Variants in RBFOX3 observed in about 807,000 individuals in gnomAD.
The protein encoded by RBFOX3 is RNA binding fox-1 homolog 3, also known as RNA binding protein fox-1 homolog 3.
Under a neutral mutation model 48.7 loss-of-function variants are expected in RBFOX3, and 17 were observed. The ratio of observed to expected loss-of-function variants is 0.35; its 90% CI spans 0.24 to 0.52. The LOEUF is 0.52. Ranked by LOEUF, RBFOX3 falls within the 20% of genes least tolerant of loss-of-function variation. The pLI is 0.94. For missense variants in RBFOX3, 382 were observed against 497.5 expected, an observed-to-expected ratio of 0.77 and a Z score of 2.21; for synonymous variants, 212 against 209.5, an observed-to-expected ratio of 1.01 and a Z score of -0.10.
the RBFOX3 span, among the ~76,000 whole-genome samples, chr17:79,654,937 G>T: frequency 1.6e-4 from 24 of 152,292 alleles, no homozygotes; most frequent in East Asian, 4.6e-3. Context: ...CTGACTCCGC[G>T]GAAGGACAGG....
intron 4 of RBFOX3, among the ~76,000 whole-genome samples, chr17:79,150,065 G>GGTGGGGGGTGGGA (rs1277563001): frequency 7.6e-6 from 1 of 131,152 alleles, no homozygotes; most frequent in Non-Finnish European, 1.6e-5. Flanking sequence ...GGGGGTTGAG[G>GGTGGGGGGTGGGA]GTGGGGGTTT....
At chr17:79,651,462 G>A in the RBFOX3 span, among the ~76,000 whole-genome samples, 5 of 151,982 alleles carry the variant, frequency 3.3e-5, no homozygotes, top group East Asian at 1.9e-4. Flanking sequence ...TGACACCCCC[G>A]GGCCGTCCCC....
chr17:79,616,187 G>A, the RBFOX3 span, among the ~76,000 whole-genome samples: 1 of 152,134 alleles, frequency 6.6e-6, no homozygotes, highest in East Asian at 1.9e-4. Flanking sequence ...TGCTTTCTCA[G>A]TCCAACAGAG....
At chr17:79,112,473 C>A (rs766153362) in intron 5 of RBFOX3, among the ~76,000 whole-genome samples, 1 of 152,144 alleles carries the variant, frequency 6.6e-6, no homozygotes, top group South Asian at 2.1e-4. Flanking sequence ...TCCAGGAAGG[C>A]CTTTCCGGAG....
chr17:79,239,431 A>G (rs910146298), intron 3 of RBFOX3, among the ~76,000 whole-genome samples: 2 of 152,226 alleles, frequency 1.3e-5, no homozygotes, highest in African/African-American at 4.8e-5. Context: ...GGAGGAACAC[A>G]GGGATCAGCA....
rs1598843305 is a variant in RBFOX3 at position 79,471,819 on chromosome 17, G to A, written c.-175+10635C>T. Among the ~76,000 whole-genome samples, 4 of 152,226 alleles carry A rather than the reference G, an allele frequency of 2.6e-5. No homozygotes were observed. Among genetic ancestry groups the A allele is most frequent in the African/African-American group, 4.8e-5 (2 of 41,532 alleles). On this transcript the variant is annotated intron_variant, in intron 2 of 14. Transcript: ENST00000693108. The surrounding 1 kb of genome is among the most constrained non-coding windows in gnomAD (Gnocchi z 4.0). ...ACTCCTGCATCACACCTAGCGCCCC[G>A]TGTGTGACCCGGGATCCCACCGTTC... is the stretch of plus-strand genomic sequence containing the variant.
At chr17:79,330,829 T>C (rs1455326133) in intron 2 of RBFOX3, among the ~76,000 whole-genome samples, 4 of 152,204 alleles carry the variant, frequency 2.6e-5, no homozygotes, top group African/African-American at 7.2e-5. Context: ...CGGAGAAGCC[T>C]TCCCTGACTC....
At chr17:79,554,589 T>C (rs2091465079) in intron 1 of RBFOX3, among the ~76,000 whole-genome samples, 33 of 152,186 alleles carry the variant, frequency 2.2e-4, no homozygotes. Context: ...CCACTTTGCC[T>C]TCCCCAGCAG....
At chr17:79,544,111 T>TCA (rs2090080321) in intron 1 of RBFOX3, among the ~76,000 whole-genome samples, 1 of 152,220 alleles carries the variant, frequency 6.6e-6, no homozygotes, top group African/African-American at 2.4e-5. Flanking sequence ...ATCCTCACAG[T>TCA]GACCCTATGA....
intron 3 of RBFOX3, among the ~76,000 whole-genome samples, chr17:79,273,839 G>A (rs56778696): frequency 0.034 from 5,214 of 152,284 alleles, 285 homozygotes; most frequent in African/African-American, 0.12. Flanking sequence ...GTGACAGGCA[G>A]TATTTGCAGG....
At position 79,390,052 on chromosome 17, in the gene RBFOX3, G is replaced by A. The variant is rs138625862; in HGVS notation, c.-174-82228C>T. ...AGGTCTCCGTAGCCTCCAGGTCTCC[G>A]CAGCCGCCGGGTCTCCGCAGCCTCC... On this transcript the variant is annotated intron_variant, in intron 2 of 14. Coordinates refer to ENST00000693108, the MANE Select transcript of RBFOX3 (RefSeq NM_001350451.2). The surrounding 1 kb of genome is among the most constrained non-coding windows in gnomAD (Gnocchi z 4.2). 3.1e-3 allele frequency among the ~76,000 whole-genome samples: 471 copies of A among 150,986 alleles called. No homozygotes were observed. The highest frequency in any genetic ancestry group is 5.1e-3 in the Non-Finnish European group (346 of 67,664).
At chr17:79,182,178 G>A (rs58965493) in intron 4 of RBFOX3, among the ~76,000 whole-genome samples, 21,385 of 152,124 alleles carry the variant, frequency 0.14, 1,568 homozygotes, top group Non-Finnish European at 0.16. Flanking sequence ...CGCGTCCTAT[G>A]GGAACCCCTC....
At chr17:79,419,988 A>G (rs895837355) in intron 2 of RBFOX3, among the ~76,000 whole-genome samples, 3 of 152,178 alleles carry the variant, frequency 2.0e-5, no homozygotes, top group Non-Finnish European at 2.9e-5. Flanking sequence ...TTAGCCAGGC[A>G]TGGCGGCGTG....
chr17:79,380,409 G>A (rs1379284108), intron 2 of RBFOX3, among the ~76,000 whole-genome samples: 1 of 152,210 alleles, frequency 6.6e-6, no homozygotes, highest in South Asian at 2.1e-4. Context: ...TGGCCGACAG[G>A]CTGTGCATTC....
chr17:79,246,822 T>C (rs1243334249), intron 3 of RBFOX3, among the ~76,000 whole-genome samples: 1 of 152,096 alleles, frequency 6.6e-6, no homozygotes, highest in Non-Finnish European at 1.5e-5. Context: ...ATGCTGGGTT[T>C]GGTCCTGCCC....
rs998083994 is a variant in RBFOX3, at chr17:79,597,026, T to G, written c.-320+13800A>C. Among the ~76,000 whole-genome samples, 716 of 152,268 alleles carry G rather than the reference T, an allele frequency of 4.7e-3. 6 individuals are homozygous for G. Among genetic ancestry groups the G allele is most frequent in the South Asian group, 0.025 (122 of 4,824 alleles). ...TCCTAGGACACTGCAAGAGAAATGC[T>G]GGGGTCACCCCTGGCCGAGGCCTCC... On this transcript the variant is annotated intron_variant, in intron 1 of 14. Coordinates refer to ENST00000693108, the MANE Select transcript of RBFOX3 (RefSeq NM_001350451.2).
chr17:79,454,051 G>A (rs1381759035), intron 2 of RBFOX3, among the ~76,000 whole-genome samples: 1 of 152,076 alleles, frequency 6.6e-6, no homozygotes, highest in African/African-American at 2.4e-5. Flanking sequence ...CTCTGACAAG[G>A]GGTTGCACAG....
At chr17:79,312,020 C>G (rs894482934) in intron 2 of RBFOX3, among the ~76,000 whole-genome samples, 43 of 152,346 alleles carry the variant, frequency 2.8e-4, no homozygotes, top group African/African-American at 9.4e-4. Flanking sequence ...TCTCCTCCCC[C>G]TTCCTGACTA....
chr17:79,159,451 G>A (rs1325376917), intron 4 of RBFOX3, among the ~76,000 whole-genome samples: 1 of 152,208 alleles, frequency 6.6e-6, no homozygotes, highest in Non-Finnish European at 1.5e-5. Context: ...TGTGGACCAA[G>A]TCTGGGCACA....
Sources: allele counts gnomAD v4.1 joint callset (sites outside exome capture counted in the v4.1 genomes callset), GRCh38; gene constraint gnomAD v4.1.1; non-coding constraint Gnocchi (gnomAD v3.1); transcripts MANE v1.5; gene names NCBI Gene and HGNC (gene_info 2026-07-23, HGNC 2026-07-21).